DSE: variants seen among roughly 807,000 people sequenced by gnomAD.
The protein encoded by DSE is dermatan sulfate epimerase, also known as dermatan-sulfate epimerase.
A neutral mutation model predicts 84.4 loss-of-function variants in DSE; 36 were observed. The observed-to-expected ratio is 0.43, with a 90% CI of 0.33 to 0.56. DSE has a LOEUF of 0.56. DSE is among the 20% of genes least tolerant of loss of function. The pLI is 0.06. For missense variants in DSE, 862 were observed against 1,169.6 expected, an observed-to-expected ratio of 0.74 and a Z score of 3.84; for synonymous variants, 410 against 430.1, an observed-to-expected ratio of 0.95 and a Z score of 0.58.
intron 2 of DSE, among the ~76,000 whole-genome samples, chr6:116,316,160 C>T (rs538140933): frequency 2.6e-5 from 4 of 152,218 alleles, no homozygotes; most frequent in African/African-American, 9.6e-5. Flanking sequence ...CTCAATAACA[C>T]CTTTAATTTT....
chr6:116,258,614 T>C, exon 2 of DSE: 1 of 1,612,264 alleles, frequency 6.2e-7, no homozygotes, highest in Non-Finnish European at 8.5e-7. Flanking sequence ...TCAGCAATGG[T>C]CTTAATGTTC....
upstream of DSE, among the ~76,000 whole-genome samples, chr6:116,365,365 T>TG (rs1779104947): frequency 1.3e-5 from 2 of 152,170 alleles, no homozygotes; most frequent in South Asian, 4.1e-4. Context: ...GCCATTCTCC[T>TG]GCCTCAGCCT....
At chr6:116,356,074 A>T (rs1778553010) in intron 2 of DSE, among the ~76,000 whole-genome samples, 1 of 152,186 alleles carries the variant, frequency 6.6e-6, no homozygotes, top group Admixed American at 6.5e-5. Flanking sequence ...GTTAGCTCAG[A>T]GTGAAGAGGC....
chr6:116,331,728 G>A (rs1410630738), intron 2 of DSE, among the ~76,000 whole-genome samples: 1 of 152,168 alleles, frequency 6.6e-6, no homozygotes, highest in Non-Finnish European at 1.5e-5. Context: ...GGAGGCAGAG[G>A]CAAGCAGATC....
intron 2 of DSE, among the ~76,000 whole-genome samples, chr6:116,260,239 T>A (rs570132465): frequency 6.6e-6 from 1 of 152,218 alleles, no homozygotes; most frequent in Non-Finnish European, 1.5e-5. Context: ...TAATCAGTGA[T>A]GTTGAGCTTT....
At chr6:116,365,032 T>G (rs1443395646) in intron 2 of DSE, among the ~76,000 whole-genome samples, 2 of 151,948 alleles carry the variant, frequency 1.3e-5, no homozygotes, top group Non-Finnish European at 2.9e-5. Context: ...GAGATGGGGT[T>G]TTGCCATGTT....
At chr6:116,433,058 C>G in intron 4 of DSE, 1 of 408,504 alleles carries the variant, frequency 2.4e-6, no homozygotes. Context: ...ATAGCATGAA[C>G]ATTGGAAAAT....
chr6:116,290,975 A>G (rs569986282), intron 2 of DSE, among the ~76,000 whole-genome samples: 1 of 152,196 alleles, frequency 6.6e-6, no homozygotes, highest in South Asian at 2.1e-4. Flanking sequence ...CTGCAATGTC[A>G]TCTGTAGCAC....
intron 2 of DSE, among the ~76,000 whole-genome samples, chr6:116,270,365 G>GT (rs1772827430): frequency 6.6e-6 from 1 of 152,144 alleles, no homozygotes; most frequent in South Asian, 2.1e-4. Flanking sequence ...ACTCTTAATT[G>GT]TATTGTCCAA....
At chr6:116,270,958 G>C (rs1200104647) in intron 2 of DSE, among the ~76,000 whole-genome samples, 1 of 152,156 alleles carries the variant, frequency 6.6e-6, no homozygotes, top group Non-Finnish European at 1.5e-5. Flanking sequence ...TACAAAATGA[G>C]AGCATATATG....
At chr6:116,433,049 T>C (rs1783943023) in intron 4 of DSE, 3 of 383,738 alleles carry the variant, frequency 7.8e-6, no homozygotes, top group Non-Finnish European at 1.5e-5. Context: ...TAATCACGTA[T>C]AGCATGAACA....
intron 2 of DSE, among the ~76,000 whole-genome samples, chr6:116,293,960 A>AT (rs1420500973): frequency 6.6e-6 from 1 of 152,172 alleles, no homozygotes; most frequent in Admixed American, 6.5e-5. Context: ...TGTTTTTAAA[A>AT]TATATATACA....
chr6:116,403,984 G>A (rs558501472), intron 2 of DSE, among the ~76,000 whole-genome samples: 1 of 152,256 alleles, frequency 6.6e-6, no homozygotes, highest in South Asian at 2.1e-4. Flanking sequence ...GAGTGGGGGT[G>A]GTGAAAAGGA....
intron 2 of DSE, among the ~76,000 whole-genome samples, chr6:116,419,840 G>A (rs1583209087): frequency 6.6e-6 from 1 of 152,202 alleles, no homozygotes; most frequent in East Asian, 1.9e-4. Flanking sequence ...TTTATAGGTT[G>A]GTAAAACTAT....
At chr6:116,392,985 G>A (rs935926120) in intron 1 of DSE, among the ~76,000 whole-genome samples, 2 of 152,106 alleles carry the variant, frequency 1.3e-5, no homozygotes, top group African/African-American at 4.8e-5. Flanking sequence ...TAACCTATCC[G>A]CCTTGCAGTG....
chr6:116,294,670 A>G (rs1205295311), intron 2 of DSE, among the ~76,000 whole-genome samples: 1 of 152,146 alleles, frequency 6.6e-6, no homozygotes, highest in Non-Finnish European at 1.5e-5. Context: ...AAAGTCCTGC[A>G]AGTGGGTACC....
chr6:116,422,901 C>T (rs952382749), intron 2 of DSE, among the ~76,000 whole-genome samples: 1 of 152,116 alleles, frequency 6.6e-6, no homozygotes, highest in African/African-American at 2.4e-5. Context: ...CTCGGAAGCC[C>T]CTCCCTGGGC....
intron 5 of DSE, among the ~76,000 whole-genome samples, chr6:116,435,066 T>C (rs1209050798): frequency 1.3e-5 from 2 of 152,194 alleles, no homozygotes; most frequent in African/African-American, 4.8e-5. Context: ...TTTTATCTAA[T>C]ATGTGAAGTT....
At chr6:116,433,755 T>C (rs62425203) in intron 5 of DSE, among the ~76,000 whole-genome samples, 1 of 152,226 alleles carries the variant, frequency 6.6e-6, no homozygotes, top group Non-Finnish European at 1.5e-5. Flanking sequence ...AAAAAAAATT[T>C]CAACTTTTAG....
Sources: allele counts gnomAD v4.1 joint callset (sites outside exome capture counted in the v4.1 genomes callset), GRCh38; gene constraint gnomAD v4.1.1; transcripts MANE v1.5; gene names NCBI Gene and HGNC (gene_info 2026-07-23, HGNC 2026-07-21).